Variants in SFTPD observed in about 807,000 individuals in gnomAD.
SFTPD encodes surfactant protein D, also known as pulmonary surfactant-associated protein D.
A neutral mutation model predicts 34.6 loss-of-function variants in SFTPD; 18 were observed. That is an observed-to-expected ratio of 0.52 (90% CI 0.36 to 0.77). The LOEUF (loss-of-function observed/expected upper bound fraction) is 0.77, where lower values mean the gene tolerates loss of function less well. SFTPD is among the 30% of genes least tolerant of loss of function. SFTPD has a pLI of 0.00. For missense variants in SFTPD, 433 were observed against 468.9 expected, an observed-to-expected ratio of 0.92 and a Z score of 0.71; for synonymous variants, 155 against 180.9, an observed-to-expected ratio of 0.86 and a Z score of 1.15.
At chr10:79,977,821 C>T (rs1164555246) in intron 1 of SFTPD, among the ~76,000 whole-genome samples, 2 of 136,320 alleles carry the variant, frequency 1.5e-5, no homozygotes, top group African/African-American at 5.4e-5. Context: ...ACCTTTCTTT[C>T]TTCCTCTCTT....
At chr10:79,973,808 A>G (rs4466773) in intron 1 of SFTPD, among the ~76,000 whole-genome samples, 11,880 of 152,196 alleles carry the variant, frequency 0.078, 907 homozygotes, top group East Asian at 0.39. Flanking sequence ...CAAAGGTGCC[A>G]GTCTGGAATA....
At chr10:79,941,865 TGGGTGGTGGA>T in intron 5 of SFTPD, 79 bp downstream of exon 5, 1 of 832,378 alleles carries the variant, frequency 1.2e-6, no homozygotes, top group African/African-American at 1.7e-5. Flanking sequence ...TCTGCCTTTG[TGGGTGGTGGA>T]GGGGGTGTAG....
At chr10:79,972,304 C>G (rs11200974) in intron 1 of SFTPD, 1 of 152,348 alleles carries the variant, frequency 6.6e-6, no homozygotes, top group East Asian at 1.9e-4. Context: ...TCAAGACCAG[C>G]CTGACCAACA....
upstream of SFTPD, chr10:79,950,717 G>A (rs1842704585): frequency 6.6e-6 from 1 of 152,166 alleles, no homozygotes; most frequent in Non-Finnish European, 1.5e-5. Context: ...CTATCTGGAT[G>A]TCTAATTCTC....
chr10:79,961,167 A>G (rs1842770289), intron 1 of SFTPD, among the ~76,000 whole-genome samples: 3 of 152,240 alleles, frequency 2.0e-5, no homozygotes, highest in Admixed American at 1.3e-4. Flanking sequence ...AAAGACTTGC[A>G]TGTTAGACCT....
chr10:79,979,949 C>T (rs972206484), intron 1 of SFTPD, among the ~76,000 whole-genome samples: 4 of 152,220 alleles, frequency 2.6e-5, no homozygotes, highest in African/African-American at 9.7e-5. Context: ...TAAAATAAAG[C>T]ACCAAGCAGA....
At chr10:79,978,994 G>C (rs12098384) in intron 1 of SFTPD, among the ~76,000 whole-genome samples, 1 of 151,910 alleles carries the variant, frequency 6.6e-6, no homozygotes, top group Admixed American at 6.6e-5. Flanking sequence ...AAATAAATTC[G>C]GTAAAGTTTC....
intron 1 of SFTPD, among the ~76,000 whole-genome samples, chr10:79,955,678 G>T (rs1465618943): frequency 6.6e-6 from 1 of 152,208 alleles, no homozygotes; most frequent in Admixed American, 6.5e-5. Flanking sequence ...TGCATATGCA[G>T]GTTCTATGAA....
intron 1 of SFTPD, among the ~76,000 whole-genome samples, chr10:79,948,166 C>T (rs1000781451): frequency 3.9e-5 from 6 of 152,188 alleles, no homozygotes; most frequent in Middle Eastern, 3.2e-3. Flanking sequence ...CTGCCAGCAG[C>T]GGCTACCTTG....
At chr10:79,974,828 G>T (rs1378962880) in intron 1 of SFTPD, among the ~76,000 whole-genome samples, 2 of 152,218 alleles carry the variant, frequency 1.3e-5, no homozygotes, top group Non-Finnish European at 2.9e-5. Context: ...CAGTGCTAGA[G>T]GAATTAAACA....
chr10:79,951,267 C>A (rs1223523184), upstream of SFTPD, among the ~76,000 whole-genome samples: 2 of 152,104 alleles, frequency 1.3e-5, no homozygotes, highest in Admixed American at 6.5e-5. Flanking sequence ...ACTGGTTTTT[C>A]GTACTTCCAG....
At chr10:79,979,821 C>T (rs968012092) in intron 1 of SFTPD, among the ~76,000 whole-genome samples, 3 of 152,146 alleles carry the variant, frequency 2.0e-5, no homozygotes, top group South Asian at 4.1e-4. Flanking sequence ...CTGGAGTGGC[C>T]AAGAAAGTGC....
At chr10:79,978,037 C>CT (rs569733087) in intron 1 of SFTPD, among the ~76,000 whole-genome samples, 122 of 152,304 alleles carry the variant, frequency 8.0e-4, no homozygotes, top group African/African-American at 2.9e-3. Context: ...CACTTGCAGT[C>CT]TGTTTACCTT....
chr10:79,948,410 C>T (rs1842687130), intron 1 of SFTPD, among the ~76,000 whole-genome samples: 1 of 152,252 alleles, frequency 6.6e-6, no homozygotes, highest in African/African-American at 2.4e-5. Context: ...GGTTTTCAGG[C>T]CCAGGATTCA....
At chr10:79,963,423 C>T (rs1478260831) in intron 1 of SFTPD, among the ~76,000 whole-genome samples, 2 of 151,686 alleles carry the variant, frequency 1.3e-5, no homozygotes, top group East Asian at 1.9e-4. Context: ...TAAATATTGC[C>T]AGAGGCTTTC....
At chr10:79,956,270 G>C (rs1842737238) in intron 1 of SFTPD, among the ~76,000 whole-genome samples, 1 of 152,232 alleles carries the variant, frequency 6.6e-6, no homozygotes, top group Non-Finnish European at 1.5e-5. Context: ...TGAGGTACCG[G>C]GTTCATCTCA....
At chr10:79,945,261 T>G (rs975783742) in intron 2 of SFTPD, among the ~76,000 whole-genome samples, 4 of 152,118 alleles carry the variant, frequency 2.6e-5, no homozygotes, top group Non-Finnish European at 4.4e-5. Context: ...CAGACTGAGT[T>G]GGGAATCTCT....
chr10:79,964,791 G>C (rs1842794516), intron 1 of SFTPD, among the ~76,000 whole-genome samples: 1 of 152,102 alleles, frequency 6.6e-6, no homozygotes, highest in Non-Finnish European at 1.5e-5. Flanking sequence ...CTGGCAAATT[G>C]ACTTTACTCA....
chr10:79,968,348 A>G (rs1186939594), intron 1 of SFTPD: 1 of 152,100 alleles, frequency 6.6e-6, no homozygotes, highest in Non-Finnish European at 1.5e-5. Flanking sequence ...CCCAGTGTCT[A>G]TTGCTGCCAT....
Sources: allele counts gnomAD v4.1 joint callset (sites outside exome capture counted in the v4.1 genomes callset), GRCh38; gene constraint gnomAD v4.1.1; transcripts MANE v1.5; gene names NCBI Gene and HGNC (gene_info 2026-07-23, HGNC 2026-07-21).